The following CACHD1 variants were observed in gnomAD, a reference collection of about 807,000 sequenced individuals.
CACHD1 encodes VWFA and cache domain-containing protein 1.
In CACHD1, 71 loss-of-function variants were observed where a neutral mutation model predicts 138.7. The ratio of observed to expected loss-of-function variants is 0.51; its 90% CI spans 0.42 to 0.62. CACHD1 has a LOEUF of 0.62. Among genes scored for constraint, CACHD1 ranks in the 20% least tolerant of loss-of-function variants. The pLI is 0.00. For synonymous variants in CACHD1, 578 were observed against 591.5 expected (o/e 0.98, Z 0.33); for missense variants, 1,389 against 1,625.3 (o/e 0.85, Z 2.50).
At chr1:64,658,462 G>A (rs1045816637) in intron 12 of CACHD1, among the ~76,000 whole-genome samples, 1 of 152,062 alleles carries the variant, frequency 6.6e-6, no homozygotes, top group African/African-American at 2.4e-5. Flanking sequence ...TTATCCTTTC[G>A]TTAGCCCCAT....
At chr1:64,635,155 C>T (rs887956205) in intron 7 of CACHD1, among the ~76,000 whole-genome samples, 3 of 151,956 alleles carry the variant, frequency 2.0e-5, no homozygotes, top group African/African-American at 7.3e-5. Flanking sequence ...CCTTCCTGCC[C>T]CTTTATTTAG....
At chr1:64,474,929 G>A (rs889457431) in intron 1 of CACHD1, among the ~76,000 whole-genome samples, 1 of 152,216 alleles carries the variant, frequency 6.6e-6, no homozygotes, top group African/African-American at 2.4e-5. Flanking sequence ...GGCCTGGGAG[G>A]GAGGGAGGAG....
Position 64,664,508 on chromosome 1 carries a change from GA to G in CACHD1, c.2108del (p.Asn703MetfsTer3). 6.2e-7 allele frequency: 1 copy of G among 1,614,116 alleles called. No homozygotes were observed. The highest frequency in any genetic ancestry group is 8.5e-7 in the Non-Finnish European group (1 of 1,179,972). On this transcript the variant is annotated frameshift_variant, in exon 15 of 27. Coordinates refer to ENST00000651257, the MANE Select transcript of CACHD1 (RefSeq NM_020925.4). LOFTEE classifies it high-confidence loss of function. ...TCCTTTGTTTCCCAGTTCTCTGTCAGAAATGAAGTAATGGCTACCAGCCACG... is the reference window on the plus strand; with the variant it reads ...TCCTTTGTTTCCCAGTTCTCTGTCAGAATGAAGTAATGGCTACCAGCCACG... ...IANPGLKFSV[R>X]NEVMATSHVT... is the part of the protein sequence containing the mutation.
intron 1 of CACHD1, among the ~76,000 whole-genome samples, chr1:64,510,834 A>G (rs1646414869): frequency 6.6e-6 from 1 of 152,138 alleles, no homozygotes; most frequent in Non-Finnish European, 1.5e-5. Flanking sequence ...TTTAAATAAG[A>G]TGTTGCATAT....
intron 2 of CACHD1, among the ~76,000 whole-genome samples, chr1:64,573,558 T>A (rs1219841801): frequency 6.6e-6 from 1 of 152,224 alleles, no homozygotes; most frequent in African/African-American, 2.4e-5. Context: ...AGCTTCTGAT[T>A]GGCTTGAACC....
chr1:64,635,226 C>A (rs946949768), intron 7 of CACHD1, among the ~76,000 whole-genome samples: 5 of 151,950 alleles, frequency 3.3e-5, no homozygotes, highest in African/African-American at 1.2e-4. Flanking sequence ...TGATTGTCAG[C>A]TTTGCTTCCT....
At chr1:64,497,078 C>T (rs564237481) in intron 1 of CACHD1, among the ~76,000 whole-genome samples, 5 of 151,486 alleles carry the variant, frequency 3.3e-5, no homozygotes, top group Non-Finnish European at 7.4e-5. Flanking sequence ...AAAAAAATGC[C>T]GAGGAATTAG....
chr1:64,679,834 G>T, intron 24 of CACHD1, 78 bp downstream of exon 24: 1 of 1,480,068 alleles, frequency 6.8e-7, no homozygotes, highest in Non-Finnish European at 9.1e-7. Flanking sequence ...AGCCTCTAAG[G>T]AACTGTCAGA....
rs1234457451 is a variant in CACHD1 at position 64,545,553 on chromosome 1, C to T, written c.199-5041C>T. Among the ~76,000 whole-genome samples the T allele has an allele frequency of 2.0e-5, 3 of 152,224 alleles. No individual in the cohort carries two copies. In the East Asian group the frequency reaches 5.8e-4, roughly 29 times the overall value. On this transcript the variant is annotated intron_variant, in intron 1 of 26. Transcript: ENST00000651257. ...GCATGTTGCAATCGTTTTTCATTCTCATCACTGAATATTCTGTTATGCGAA... is the reference window on the plus strand; with the variant it reads ...GCATGTTGCAATCGTTTTTCATTCTTATCACTGAATATTCTGTTATGCGAA...
chr1:64,472,860 G>T (rs1050036340), intron 1 of CACHD1, among the ~76,000 whole-genome samples: 1 of 142,078 alleles, frequency 7.0e-6, no homozygotes, highest in Admixed American at 7.0e-5. Context: ...CCCCTATCCC[G>T]CCCCCCCACG....
intron 8 of CACHD1, among the ~76,000 whole-genome samples, chr1:64,643,592 T>G (rs1279906297): frequency 6.6e-6 from 1 of 152,186 alleles, no homozygotes; most frequent in Non-Finnish European, 1.5e-5. Flanking sequence ...ATCCCAGCAC[T>G]TTGGGAGGCC....
chr1:64,665,175 A>C (rs948904737), intron 15 of CACHD1, among the ~76,000 whole-genome samples: 2 of 152,128 alleles, frequency 1.3e-5, no homozygotes, highest in Non-Finnish European at 2.9e-5. Context: ...AAATCTACCT[A>C]GCCTCTAAAA....
intron 3 of CACHD1, among the ~76,000 whole-genome samples, 175 bp downstream of exon 3, chr1:64,582,479 A>T (rs1291369183): frequency 6.6e-6 from 1 of 152,136 alleles, no homozygotes; most frequent in Non-Finnish European, 1.5e-5. Flanking sequence ...AATGTGATTC[A>T]GTGTTCTATA....
At chr1:64,519,327 T>C (rs1206501676) in intron 1 of CACHD1, among the ~76,000 whole-genome samples, 1 of 152,194 alleles carries the variant, frequency 6.6e-6, no homozygotes, top group Non-Finnish European at 1.5e-5. Context: ...GCCTTTCGAT[T>C]GAGGCACAGC....
intron 12 of CACHD1, among the ~76,000 whole-genome samples, chr1:64,657,274 A>G (rs1557542930): frequency 6.6e-6 from 1 of 152,216 alleles, no homozygotes; most frequent in African/African-American, 2.4e-5. Flanking sequence ...CTTTTAATGT[A>G]GAGACTATTT....
intron 1 of CACHD1, among the ~76,000 whole-genome samples, chr1:64,502,409 A>G (rs913905395): frequency 2.6e-5 from 4 of 152,172 alleles, no homozygotes; most frequent in Non-Finnish European, 5.9e-5. Flanking sequence ...ACACTGGTGT[A>G]CATTAGATCA....
rs1305262621 is a variant in CACHD1 at position 64,691,571 on chromosome 1, C to T, written c.*10C>T. 1 of 1,605,412 alleles carries T rather than the reference C, an allele frequency of 6.2e-7. No individual in the cohort carries two copies. Among genetic ancestry groups the T allele is most frequent in the East Asian group, 2.2e-5 (1 of 44,806 alleles). Reference sequence around the variant, plus strand: ...CGATGCAGAATGCTAACAATCTCCTCACCTCCACGCCAAGATGAGATCTGG... The same window carrying T: ...CGATGCAGAATGCTAACAATCTCCTTACCTCCACGCCAAGATGAGATCTGG... On this transcript the variant is annotated 3_prime_UTR_variant, in exon 27 of 27. Transcript: ENST00000651257.
chr1:64,605,182 C>G (rs760515973), intron 4 of CACHD1, among the ~76,000 whole-genome samples: 40 of 152,086 alleles, frequency 2.6e-4, no homozygotes, highest in Non-Finnish European at 5.7e-4. Context: ...CCAGGCTGGT[C>G]TCGAACTCCT....
chr1:64,678,665 A>G (rs151329638), intron 23 of CACHD1, among the ~76,000 whole-genome samples: 8 of 152,326 alleles, frequency 5.3e-5, no homozygotes, highest in East Asian at 1.9e-4. Context: ...CTGTATGTCT[A>G]GTGCCTGCTA....
Sources: gnomAD v4.1 joint callset for allele counts (sites outside exome capture counted in the v4.1 genomes callset) on GRCh38, gnomAD v4.1.1 for gene constraint, MANE v1.5 for transcripts, NCBI Gene and HGNC (gene_info 2026-07-23, HGNC 2026-07-21) for gene names.